The following KBTBD12 variants were observed in gnomAD, a reference collection of about 807,000 sequenced individuals.
KBTBD12 encodes kelch repeat and BTB domain containing 12.
KBTBD12 carries 53 observed loss-of-function variants against 58.7 expected under a neutral mutation model. That is an observed-to-expected ratio of 0.90 (90% CI 0.72 to 1.14). The LOEUF is 1.14. Ranked by LOEUF, KBTBD12 falls within the 50% of genes most tolerant of loss-of-function variation. The pLI is 0.00. For missense variants in KBTBD12, 704 were observed against 751.3 expected (o/e 0.94, Z 0.74); for synonymous variants, 236 against 259.8 (o/e 0.91, Z 0.88).
rs567133052 is a variant in KBTBD12, at chr3:127,921,357, T to TTTA, written c.-112-1590_-112-1588dup. On this transcript the variant is annotated intron_variant, in intron 1 of 5. Coordinates refer to ENST00000405109, the MANE Select transcript of KBTBD12 (RefSeq NM_207335.4). ...CACTGGAAACTAATAATAATGTCCA[T>TTTA]TTATTGATCATTTGGATGCCAAAGA... is the stretch of plus-strand genomic sequence containing the variant. 8.5e-4 allele frequency among the ~76,000 whole-genome samples: 130 copies of TTTA among 152,268 alleles called. 1 individual carries two copies. The highest frequency in any genetic ancestry group is 3.1e-3 in the African/African-American group (127 of 41,578).
intron 4 of KBTBD12, among the ~76,000 whole-genome samples, chr3:127,948,281 C>G (rs145258726): frequency 2.7e-4 from 41 of 152,310 alleles, no homozygotes; most frequent in African/African-American, 9.6e-4. Context: ...TCAGTGCCAT[C>G]CTAAGCAGTT....
intron 4 of KBTBD12, among the ~76,000 whole-genome samples, chr3:127,956,041 T>C (rs897723070): frequency 6.6e-6 from 1 of 152,194 alleles, no homozygotes; most frequent in Non-Finnish European, 1.5e-5. Context: ...GCCAAAGAAG[T>C]CAGACAAGAT....
At chr3:127,975,991 A>G (rs1295773569) in intron 5 of KBTBD12, among the ~76,000 whole-genome samples, 1 of 152,256 alleles carries the variant, frequency 6.6e-6, no homozygotes, top group African/African-American at 2.4e-5. Context: ...ATGAATACCC[A>G]GATTCACCTA....
At chr3:127,924,195 G>C (rs1331799886) in intron 2 of KBTBD12, 64 bp downstream of exon 2, 1 of 1,023,038 alleles carries the variant, frequency 9.8e-7, no homozygotes, top group African/African-American at 1.6e-5. Context: ...GTAGAAGAAA[G>C]AACTGCAAAA....
At position 127,923,673 on chromosome 3, in the gene KBTBD12, T is replaced by C. The variant is rs919422446; in HGVS notation, c.612T>C (p.His204=). The C allele has an allele frequency of 4.3e-6, 7 of 1,613,696 alleles. No individual in the cohort carries two copies. The African/African-American group carries it at 8.0e-5, about 18-fold the overall frequency. ...ACTTAGTTCTGAGATGGGTAAATCA[T>C]AACAAAGAATTGCGTACAGTGCATC... ...ILDLVLRWVN[H]NKELRTVHLV... is the part of the protein sequence containing the mutation. Residue 204 remains histidine (H), a synonymous_variant, in exon 2 of 6, where the codon CAT becomes CAC. Coordinates refer to ENST00000405109, the MANE Select transcript of KBTBD12 (RefSeq NM_207335.4).
chr3:127,975,043 T>C (rs900814936), intron 5 of KBTBD12, among the ~76,000 whole-genome samples: 3 of 152,224 alleles, frequency 2.0e-5, no homozygotes, highest in Non-Finnish European at 2.9e-5. Flanking sequence ...AACAAGGCTT[T>C]GAGTGCAAAT....
chr3:127,946,185 C>A (rs572917096), intron 4 of KBTBD12, among the ~76,000 whole-genome samples: 2 of 152,196 alleles, frequency 1.3e-5, no homozygotes, highest in African/African-American at 4.8e-5. Flanking sequence ...TTTAAACAAC[C>A]TGTTATGTTT....
At chr3:127,964,633 T>C (rs1576391274) in intron 5 of KBTBD12, among the ~76,000 whole-genome samples, 1 of 109,926 alleles carries the variant, frequency 9.1e-6, no homozygotes, top group Admixed American at 1.0e-4. Flanking sequence ...AGAGCGAGAC[T>C]CCATCTCAAA....
At chr3:127,963,147 T>G (rs564025597) in intron 4 of KBTBD12, 42 bp from the exon 5 acceptor site, 2 of 1,513,148 alleles carry the variant, frequency 1.3e-6, no homozygotes, top group East Asian at 2.3e-5. Flanking sequence ...CAATTGAGTT[T>G]CAGTTCCTGA....
intron 4 of KBTBD12, among the ~76,000 whole-genome samples, chr3:127,961,955 C>T (rs1279528824): frequency 6.6e-6 from 1 of 152,184 alleles, no homozygotes; most frequent in African/African-American, 2.4e-5. Flanking sequence ...GAGATCAAAG[C>T]AGAGTTCTTA....
At chr3:127,966,965 G>A (rs1226355865) in intron 5 of KBTBD12, among the ~76,000 whole-genome samples, 1 of 152,330 alleles carries the variant, frequency 6.6e-6, no homozygotes, top group East Asian at 1.9e-4. Context: ...ATTTCTATGG[G>A]AAAATTACTT....
chr3:127,959,328 C>G (rs1048207245), intron 4 of KBTBD12, among the ~76,000 whole-genome samples: 3 of 152,200 alleles, frequency 2.0e-5, no homozygotes, highest in Non-Finnish European at 4.4e-5. Context: ...ACATTTATGA[C>G]CAAATGAGTT....
chr3:127,936,324 C>A (rs1939830260), intron 4 of KBTBD12, among the ~76,000 whole-genome samples: 1 of 151,708 alleles, frequency 6.6e-6, no homozygotes, highest in African/African-American at 2.4e-5. Flanking sequence ...TGAGATCATG[C>A]CACTGCATTC....
At chr3:127,924,625 AT>A (rs557207926) in intron 2 of KBTBD12, among the ~76,000 whole-genome samples, 128 of 151,178 alleles carry the variant, frequency 8.5e-4, no homozygotes, top group African/African-American at 2.6e-3. Flanking sequence ...ACTCCTTTGA[AT>A]TTTTTTTTAG....
chr3:127,941,513 C>T (rs1472428489), intron 4 of KBTBD12, among the ~76,000 whole-genome samples: 3 of 152,146 alleles, frequency 2.0e-5, no homozygotes, highest in South Asian at 2.1e-4. Context: ...CAAGAAGATA[C>T]GAGAATTTCC....
At position 127,986,389 on chromosome 3, in the gene KBTBD12, C is replaced by A. The variant is rs1262767408; in HGVS notation, c.*2111C>A. On this transcript the variant is annotated 3_prime_UTR_variant, in exon 6 of 6. Coordinates refer to ENST00000405109, the MANE Select transcript of KBTBD12 (RefSeq NM_207335.4). ...CCATTATTATCATCACTGTCATTAT[C>A]ATTGCAGTCAGCACTTCCCAAAGCA... 1 of 152,482 alleles carries A rather than the reference C, an allele frequency of 6.6e-6. No individual in the cohort carries two copies. Among genetic ancestry groups the A allele is most frequent in the African/African-American group, 2.4e-5 (1 of 41,410 alleles). 9.4% of individuals were successfully genotyped at this position (152,482 alleles called of 1,614,324 possible). A position where few individuals can be genotyped will look rare whatever the true frequency, so the allele number is the denominator to read the frequency against.
intron 5 of KBTBD12, among the ~76,000 whole-genome samples, chr3:127,981,669 C>T (rs1024103738): frequency 1.2e-4 from 19 of 152,184 alleles, no homozygotes; most frequent in African/African-American, 4.1e-4. Context: ...TGGCCAGCCA[C>T]GGTGGCTCAC....
At chr3:127,967,233 A>C (rs575414390) in intron 5 of KBTBD12, among the ~76,000 whole-genome samples, 1 of 152,298 alleles carries the variant, frequency 6.6e-6, no homozygotes, top group East Asian at 1.9e-4. Flanking sequence ...GCCAGAATAG[A>C]ATGGAGCCGG....
At position 127,986,485 on chromosome 3, in the gene KBTBD12, C is replaced by CTTTTTTTT; in HGVS notation, c.*2217_*2224dup. 7.2e-6 allele frequency: 1 copy of CTTTTTTTT among 138,138 alleles called. No homozygotes were observed. 8.6% of individuals were successfully genotyped at this position (138,138 alleles called of 1,614,324 possible). A position where few individuals can be genotyped will look rare whatever the true frequency, so the allele number is the denominator to read the frequency against. ...TGCATATGGCTTGTGACGGTTCTTT[C>CTTTTTTTT]TTTTTTTTTTTTTTTTTGAGACGGA... is the stretch of plus-strand genomic sequence containing the variant. On this transcript the variant is annotated 3_prime_UTR_variant, in exon 6 of 6. Coordinates refer to ENST00000405109, the MANE Select transcript of KBTBD12 (RefSeq NM_207335.4).
Sources: gnomAD v4.1 joint callset for allele counts (sites outside exome capture counted in the v4.1 genomes callset) on GRCh38, gnomAD v4.1.1 for gene constraint, MANE v1.5 for transcripts, NCBI Gene and HGNC (gene_info 2026-07-23, HGNC 2026-07-21) for gene names.